PUDP: variants seen among roughly 807,000 people sequenced by gnomAD.
PUDP encodes pseudouridine-5'-phosphatase.
A neutral mutation model predicts 9.4 loss-of-function variants in PUDP; 8 were observed. The ratio of observed to expected loss-of-function variants is 0.85; its 90% CI spans 0.50 to 1.53. The LOEUF (loss-of-function observed/expected upper bound fraction) is 1.53, where lower values mean the gene tolerates loss of function less well. Among genes scored for constraint, PUDP ranks in the 40% most tolerant of loss-of-function variants. The pLI, the probability that PUDP is intolerant of heterozygous loss-of-function variation, is 0.00. For missense variants in PUDP, 188 were observed against 189.7 expected (o/e 0.99, Z 0.05); for synonymous variants, 99 against 80.7 (o/e 1.23, Z -1.22).
In PUDP at chrX:6,830,653, G is replaced by T. The variant is rs1459771124; in HGVS notation, c.*248-124187C>A. ...GAAACACAAAGAAAAATTTAAGAATGCAAAAGTTAAGAGATACGAAGCCTA... is the reference window on the plus strand; with the variant it reads ...GAAACACAAAGAAAAATTTAAGAATTCAAAAGTTAAGAGATACGAAGCCTA... On this transcript the variant is annotated intron_variant and NMD_transcript_variant, in intron 3 of 3. Transcript: ENST00000655425. Among the ~76,000 whole-genome samples the T allele has an allele frequency of 3.6e-5, 4 of 111,918 alleles. No individual in the cohort carries two copies. In the East Asian group the frequency reaches 1.1e-3, roughly 31 times the overall value.
intron 3 of PUDP, among the ~76,000 whole-genome samples, chrX:7,072,448 T>C (rs915813003): frequency 3.0e-4 from 34 of 111,922 alleles, no homozygotes; most frequent in African/African-American, 1.1e-3. Context: ...AAACCTGAAA[T>C]TCAGCTCCTA....
intron 1 of PUDP, among the ~76,000 whole-genome samples, chrX:6,988,595 C>T (rs1261864279): frequency 9.0e-6 from 1 of 111,648 alleles, no homozygotes; most frequent in Non-Finnish European, 1.9e-5. Context: ...TCCTCTGGAG[C>T]CTCAGTAAAT....
chrX:7,034,594 C>A, intron 1 of PUDP, among the ~76,000 whole-genome samples: 1 of 112,005 alleles, frequency 8.9e-6, no homozygotes, highest in African/African-American at 3.2e-5. Context: ...ATCTGTTCAT[C>A]CATGCATCTA....
intron 3 of PUDP, among the ~76,000 whole-genome samples, chrX:6,967,248 C>G (rs900255562): frequency 2.7e-5 from 3 of 111,981 alleles, no homozygotes; most frequent in African/African-American, 9.7e-5. Flanking sequence ...ACCTGGCTGT[C>G]TCCTGACTCT....
intron 1 of PUDP, among the ~76,000 whole-genome samples, chrX:6,980,833 T>C (rs935499992): frequency 2.7e-5 from 3 of 111,221 alleles, no homozygotes; most frequent in African/African-American, 9.8e-5. Flanking sequence ...TATGGGAGGA[T>C]TGTGTAGTTT....
chrX:7,024,665 C>T (rs374205193), intron 1 of PUDP, among the ~76,000 whole-genome samples: 1 of 105,593 alleles, frequency 9.5e-6, no homozygotes, highest in Non-Finnish European at 1.9e-5. Context: ...CAGCTCACTG[C>T]AAGGTCCGCC....
chrX:6,836,088 A>G (rs1926578226), intron 3 of PUDP, among the ~76,000 whole-genome samples: 1 of 111,291 alleles, frequency 9.0e-6, no homozygotes, highest in Admixed American at 9.6e-5. Flanking sequence ...CTGCACTATA[A>G]TAAGTTGTAT....
At chrX:6,819,077 G>A (rs1242732390) in intron 3 of PUDP, among the ~76,000 whole-genome samples, 2 of 111,049 alleles carry the variant, frequency 1.8e-5, no homozygotes, top group East Asian at 2.9e-4. Context: ...TAAAATGTAC[G>A]GAGACCCCCA....
rs1569102363 is a variant in PUDP at position 6,803,112 on chromosome X, T to TAAAATAAAAC, written c.*248-96656_*248-96647dup. On this transcript the variant is annotated intron_variant and NMD_transcript_variant, in intron 3 of 3. Coordinates refer to the PUDP transcript ENST00000655425. Reference sequence around the variant, plus strand: ...TAAAATAAAATAAAATAAAATAAAATAAAATAAAACAAAATAAAATAAAAT... The same window carrying TAAAATAAAAC: ...TAAAATAAAATAAAATAAAATAAAATAAAATAAAACAAAATAAAACAAAATAAAATAAAAT... 1.0e-3 allele frequency among the ~76,000 whole-genome samples: 105 copies of TAAAATAAAAC among 100,425 alleles called. 2 individuals are homozygous for TAAAATAAAAC. The highest frequency in any genetic ancestry group is 8.0e-3 in the Admixed American group (71 of 8,878). 87.2% of individuals were successfully genotyped at this position (100,425 alleles called of 115,157 possible). A position where few individuals can be genotyped will look rare whatever the true frequency, so the allele number is the denominator to read the frequency against.
intron 3 of PUDP, among the ~76,000 whole-genome samples, chrX:6,931,744 A>C (rs764963598): frequency 1.4e-3 from 159 of 111,419 alleles, no homozygotes; most frequent in African/African-American, 4.8e-3. Flanking sequence ...CAGGACCCAG[A>C]CGACATCCAG....
chrX:7,013,862 C>T, intron 1 of PUDP, among the ~76,000 whole-genome samples: 1 of 111,919 alleles, frequency 8.9e-6, no homozygotes, highest in Middle Eastern at 4.6e-3. Context: ...GCTCAATAGA[C>T]CCTCTGCCTT....
rs776058781 is a variant in PUDP, at chrX:6,757,817, T to C, written c.*248-51351A>G. Among the ~76,000 whole-genome samples, 9 of 112,479 alleles carry C rather than the reference T, an allele frequency of 8.0e-5. No individual in the cohort carries two copies. The East Asian group carries it at 2.5e-3, about 32-fold the overall frequency. ...TCACTAAGCAATATGTCGTGAAATGTTGGTAGGCAGATCTTGTTTTGAACA... is the reference window on the plus strand; with the variant it reads ...TCACTAAGCAATATGTCGTGAAATGCTGGTAGGCAGATCTTGTTTTGAACA... On this transcript the variant is annotated intron_variant and NMD_transcript_variant, in intron 3 of 3. Transcript: ENST00000655425.
intron 1 of PUDP, among the ~76,000 whole-genome samples, chrX:7,112,654 CTGTG>C (rs1257658377): frequency 1.8e-5 from 2 of 111,998 alleles, no homozygotes; most frequent in African/African-American, 6.5e-5. Flanking sequence ...TGTTAGCTGA[CTGTG>C]TGTGTGCACG....
At chrX:6,907,090 T>C (rs1927779032) in intron 3 of PUDP, among the ~76,000 whole-genome samples, 1 of 110,719 alleles carries the variant, frequency 9.0e-6, no homozygotes, top group Non-Finnish European at 1.9e-5. Flanking sequence ...TAATCCCACA[T>C]GTAATGGGAG....
At chrX:7,055,110 G>A (rs1184777898) in intron 3 of PUDP, among the ~76,000 whole-genome samples, 2 of 111,800 alleles carry the variant, frequency 1.8e-5, no homozygotes, top group African/African-American at 6.5e-5. Context: ...GAAATGATTC[G>A]GGGTCATGCC....
At chrX:6,747,391 G>A (rs976512787) in intron 3 of PUDP, among the ~76,000 whole-genome samples, 2 of 111,762 alleles carry the variant, frequency 1.8e-5, no homozygotes, top group African/African-American at 3.3e-5. Flanking sequence ...TGAGACCCTT[G>A]TCAATATTAA....
chrX:6,814,410 C>A (rs1270393357), intron 3 of PUDP, among the ~76,000 whole-genome samples: 1 of 111,033 alleles, frequency 9.0e-6, no homozygotes. Flanking sequence ...GCCACGAATG[C>A]CACCAAATAT....
intron 3 of PUDP, among the ~76,000 whole-genome samples, chrX:6,795,256 T>A (rs994047265): frequency 1.8e-5 from 2 of 111,418 alleles, no homozygotes; most frequent in Non-Finnish European, 3.8e-5. Context: ...TGCTCTTTAG[T>A]TGGGATCCTT....
At chrX:7,045,390 CCTA>C (rs1929971781), downstream of PUDP, among the ~76,000 whole-genome samples, 1 of 111,901 alleles carries the variant, frequency 8.9e-6, no homozygotes, top group Non-Finnish European at 1.9e-5. Flanking sequence ...GGATTTCTGC[CCTA>C]CTAACATACT....
Sources: gnomAD v4.1 joint callset for allele counts (sites outside exome capture counted in the v4.1 genomes callset) on GRCh38, gnomAD v4.1.1 for gene constraint, MANE v1.5 for transcripts, NCBI Gene and HGNC (gene_info 2026-07-23, HGNC 2026-07-21) for gene names.